The following CSMD1 variants were observed in gnomAD, a reference collection of about 807,000 sequenced individuals.
The protein encoded by CSMD1 is CUB and Sushi multiple domains 1.
CSMD1 carries 213 observed loss-of-function variants against 417.5 expected under a neutral mutation model. The ratio of observed to expected loss-of-function variants is 0.51; its 90% CI spans 0.46 to 0.57. The LOEUF (loss-of-function observed/expected upper bound fraction) is 0.57, where lower values mean the gene tolerates loss of function less well. CSMD1 is among the 20% of genes least tolerant of loss of function. The pLI is 0.00. For synonymous variants in CSMD1, 2,862 were observed against 1,736.8 expected, an observed-to-expected ratio of 1.65 and a Z score of -16.11; for missense variants, 6,923 against 4,529.7, an observed-to-expected ratio of 1.53 and a Z score of -15.17.
chr8:4,256,706 G>T (rs1188812473), intron 3 of CSMD1, among the ~76,000 whole-genome samples: 2 of 149,704 alleles, frequency 1.3e-5, no homozygotes, highest in Non-Finnish European at 3.0e-5. Context: ...CGGGCGTGGT[G>T]TGGGGGAAGG....
intron 2 of CSMD1, among the ~76,000 whole-genome samples, chr8:4,607,495 T>A (rs1004696189): frequency 1.1e-4 from 16 of 152,150 alleles, no homozygotes; most frequent in Non-Finnish European, 2.1e-4. Context: ...CCAGGGTGTG[T>A]GCCAAGCTGG....
chr8:3,990,935 G>C (rs1220532070), intron 5 of CSMD1, among the ~76,000 whole-genome samples: 6 of 152,170 alleles, frequency 3.9e-5, no homozygotes, highest in Non-Finnish European at 8.8e-5. Flanking sequence ...CCTGGTGAAA[G>C]CATCATCTCT....
chr8:3,134,617 C>A (rs1817977628), intron 41 of CSMD1, among the ~76,000 whole-genome samples: 1 of 152,164 alleles, frequency 6.6e-6, no homozygotes. Context: ...AAACTGACTT[C>A]ATTAGGTTTA....
At chr8:4,338,733 G>T (rs1204964893) in intron 3 of CSMD1, among the ~76,000 whole-genome samples, 1 of 151,704 alleles carries the variant, frequency 6.6e-6, no homozygotes, top group African/African-American at 2.4e-5. Context: ...GATTTTTTTC[G>T]CCTAATTCAT....
intron 7 of CSMD1, among the ~76,000 whole-genome samples, chr8:3,663,149 A>G (rs1798505575): frequency 6.6e-6 from 1 of 152,122 alleles, no homozygotes; most frequent in African/African-American, 2.4e-5. Context: ...CGACAAAGAA[A>G]AGGTTAGGAA....
At chr8:3,729,058 C>G (rs183100584) in intron 6 of CSMD1, among the ~76,000 whole-genome samples, 1 of 152,136 alleles carries the variant, frequency 6.6e-6, no homozygotes, top group Non-Finnish European at 1.5e-5. Flanking sequence ...AAAGTCTGGC[C>G]GTAATTCTCC....
chr8:3,160,589 C>CT (rs1247282535), intron 38 of CSMD1, among the ~76,000 whole-genome samples: 1 of 152,194 alleles, frequency 6.6e-6, no homozygotes, highest in Non-Finnish European at 1.5e-5. Flanking sequence ...TGCCTCCAAT[C>CT]TTTTTGCAGA....
chr8:3,634,069 G>A (rs922915212), intron 7 of CSMD1, among the ~76,000 whole-genome samples: 1 of 152,120 alleles, frequency 6.6e-6, no homozygotes, highest in Non-Finnish European at 1.5e-5. Flanking sequence ...TCTGGGTAGG[G>A]GGTGGTGGGG....
chr8:4,250,866 G>C (rs1047303325), intron 3 of CSMD1, among the ~76,000 whole-genome samples: 2 of 152,138 alleles, frequency 1.3e-5, no homozygotes, highest in African/African-American at 2.4e-5. Flanking sequence ...TATTTACAGG[G>C]TATTCCTACT....
rs1554476820 is a variant in CSMD1, at chr8:3,893,339, T to TTTTATATATATATATATATATATATATA, written c.818+104563_818+104564insTATATATATATATATATATATATATAAA. On this transcript the variant is annotated intron_variant, in intron 5 of 69. Transcript: ENST00000635120. ...TCCCAAACTAATAATATTCACAATTTTATATATATATATATATATATATTA... is the reference window on the plus strand; with the variant it reads ...TCCCAAACTAATAATATTCACAATTTTTTATATATATATATATATATATATATATATATATATATATATATATATATTA... Among the ~76,000 whole-genome samples the TTTTATATATATATATATATATATATATA allele has an allele frequency of 1.2e-4, 10 of 80,454 alleles. No homozygotes were observed. The South Asian group carries it at 2.7e-3, about 22-fold the overall frequency. 52.8% of individuals were successfully genotyped at this position (80,454 alleles called of 152,430 possible). A position where few individuals can be genotyped will look rare whatever the true frequency, so the allele number is the denominator to read the frequency against.
intron 5 of CSMD1, among the ~76,000 whole-genome samples, chr8:3,882,806 A>G (rs1806292779): frequency 6.6e-6 from 1 of 152,208 alleles, no homozygotes; most frequent in Non-Finnish European, 1.5e-5. Context: ...TGTCATTTAC[A>G]GAATGTGTCA....
intron 7 of CSMD1, among the ~76,000 whole-genome samples, chr8:3,707,226 T>C (rs1224346841): frequency 1.3e-5 from 2 of 152,176 alleles, no homozygotes; most frequent in East Asian, 3.9e-4. Context: ...ATTGTGATTG[T>C]TTCTTTTATT....
At chr8:3,149,119 T>C (rs1336162199) in intron 40 of CSMD1, among the ~76,000 whole-genome samples, 1 of 152,224 alleles carries the variant, frequency 6.6e-6, no homozygotes, top group Non-Finnish European at 1.5e-5. Flanking sequence ...TTTAGGTTTA[T>C]AGATCCCAAA....
In CSMD1 at chr8:4,669,607, G is replaced by A. The variant is rs191690476; in HGVS notation, c.86-32049C>T. 9.9e-5 allele frequency among the ~76,000 whole-genome samples: 15 copies of A among 152,240 alleles called. No individual in the cohort carries two copies. In the East Asian group the frequency reaches 2.7e-3, roughly 27 times the overall value. On this transcript the variant is annotated intron_variant, in intron 1 of 69. Transcript: ENST00000635120. ...CTGGAAGCATTAGGGTAGCTACTAAGTATTTCTGTTTAGAAACTTTTTTTA... is the reference window on the plus strand; with the variant it reads ...CTGGAAGCATTAGGGTAGCTACTAAATATTTCTGTTTAGAAACTTTTTTTA...
intron 3 of CSMD1, among the ~76,000 whole-genome samples, chr8:4,050,563 T>C (rs1223410278): frequency 6.6e-6 from 1 of 152,096 alleles, no homozygotes; most frequent in African/African-American, 2.4e-5. Context: ...TTACAAACAA[T>C]CTAATCATAC....
At chr8:4,399,285 T>A (rs1804484667) in intron 3 of CSMD1, among the ~76,000 whole-genome samples, 1 of 152,216 alleles carries the variant, frequency 6.6e-6, no homozygotes, top group Admixed American at 6.5e-5. Flanking sequence ...GGACCATCAT[T>A]AGTAATGAGG....
chr8:4,956,586 A>G (rs1285534734), intron 1 of CSMD1, among the ~76,000 whole-genome samples: 2 of 150,632 alleles, frequency 1.3e-5, no homozygotes, highest in Non-Finnish European at 3.0e-5. Context: ...ACATGTGTAT[A>G]TCATCATAAC....
At chr8:4,163,762 A>G (rs1453483232) in intron 3 of CSMD1, among the ~76,000 whole-genome samples, 2 of 152,148 alleles carry the variant, frequency 1.3e-5, no homozygotes, top group African/African-American at 4.8e-5. Flanking sequence ...TAAGCTTACA[A>G]TTTTGGAAAT....
intron 10 of CSMD1, among the ~76,000 whole-genome samples, chr8:3,536,273 G>T (rs935117447): frequency 6.6e-6 from 1 of 152,180 alleles, no homozygotes; most frequent in Non-Finnish European, 1.5e-5. Flanking sequence ...TTGTGTGTAT[G>T]ACAGCAACTT....
Sources: gnomAD v4.1 joint callset for allele counts (sites outside exome capture counted in the v4.1 genomes callset) on GRCh38, gnomAD v4.1.1 for gene constraint, MANE v1.5 for transcripts, NCBI Gene and HGNC (gene_info 2026-07-23, HGNC 2026-07-21) for gene names.